ORC3: variants seen among roughly 807,000 people sequenced by gnomAD.
ORC3 encodes homolog of latheo, Drosophila.
In ORC3, 78 loss-of-function variants were observed where a neutral mutation model predicts 100.7. The ratio of observed to expected loss-of-function variants is 0.77; its 90% CI spans 0.65 to 0.94. ORC3 has a LOEUF of 0.94. Ranked by LOEUF, ORC3 falls within the 40% of genes least tolerant of loss-of-function variation. The probability of loss-of-function intolerance (pLI) is 0.00; values close to 1 mark genes in which losing one functional copy is unlikely to be tolerated. For synonymous variants in ORC3, 295 were observed against 289.3 expected (o/e 1.02, Z -0.20); for missense variants, 789 against 823.9 (o/e 0.96, Z 0.52).
At chr6:87,600,289 T>G (rs1777798994) in intron 2 of ORC3, among the ~76,000 whole-genome samples, 1 of 151,990 alleles carries the variant, frequency 6.6e-6, no homozygotes, top group Non-Finnish European at 1.5e-5. Flanking sequence ...ACAAGAAATA[T>G]GAGGGAAAGT....
chr6:87,668,844 GTGT>G, downstream of ORC3, among the ~76,000 whole-genome samples: 2 of 152,104 alleles, frequency 1.3e-5, no homozygotes, highest in South Asian at 4.1e-4. Flanking sequence ...TTAGCTGGGC[GTGT>G]TGGTGGGCGC....
chr6:87,599,361 A>ATTTG (rs1341923155), intron 2 of ORC3, among the ~76,000 whole-genome samples: 4 of 148,678 alleles, frequency 2.7e-5, no homozygotes, highest in Admixed American at 6.7e-5. Flanking sequence ...TTTATTATTT[A>ATTTG]TTTATTTATT....
intron 6 of ORC3, 66 bp from the exon 7 acceptor site, chr6:87,609,030 G>A (rs115279782): frequency 4.6e-6 from 6 of 1,297,168 alleles, no homozygotes; most frequent in African/African-American, 1.5e-5. Context: ...TCAACATGTG[G>A]CATTATAACA....
chr6:87,603,272 C>T, intron 3 of ORC3, 112 bp from the exon 4 acceptor site: 1 of 557,830 alleles, frequency 1.8e-6, no homozygotes, highest in Non-Finnish European at 2.9e-6. Flanking sequence ...TAATTAGGTT[C>T]ATCTTTTGAT....
intron 11 of ORC3, among the ~76,000 whole-genome samples, chr6:87,632,584 C>T (rs978460004): frequency 1.3e-5 from 2 of 152,106 alleles, no homozygotes; most frequent in African/African-American, 2.4e-5. Context: ...TTTTTTAGGC[C>T]AGTCACGGTG....
intron 5 of ORC3, among the ~76,000 whole-genome samples, chr6:87,607,056 T>G (rs1335141143): frequency 6.6e-6 from 1 of 152,240 alleles, no homozygotes; most frequent in African/African-American, 2.4e-5. Context: ...TTTATTTTCC[T>G]ATGTAATTTA....
intron 4 of ORC3, among the ~76,000 whole-genome samples, chr6:87,605,429 T>A (rs555191645): frequency 1.3e-5 from 2 of 152,216 alleles, no homozygotes; most frequent in Non-Finnish European, 1.5e-5. Context: ...GGCGGGTGGA[T>A]CACTTGAGGT....
At chr6:87,628,457 A>G (rs375412917) in intron 11 of ORC3, among the ~76,000 whole-genome samples, 1 of 152,248 alleles carries the variant, frequency 6.6e-6, no homozygotes, top group African/African-American at 2.4e-5. Flanking sequence ...AAATCTTCAT[A>G]CTATGTAGAA....
intron 2 of ORC3, among the ~76,000 whole-genome samples, chr6:87,599,351 T>TTA (rs1562318407): frequency 4.4e-5 from 6 of 136,882 alleles, no homozygotes; most frequent in South Asian, 2.4e-4. Flanking sequence ...GTCTCTTTTT[T>TTA]TTATTATTTA....
chr6:87,669,080 C>A (rs1191638432), downstream of ORC3, among the ~76,000 whole-genome samples: 5 of 152,180 alleles, frequency 3.3e-5, no homozygotes, highest in Admixed American at 3.3e-4. Flanking sequence ...TCGCTTAAAC[C>A]CAGAAGGTGG....
At position 87,635,102 on chromosome 6, in the gene ORC3, T is replaced by C. The variant is rs965405902; in HGVS notation, c.1302+141T>C. The C allele has an allele frequency of 4.1e-6, 3 of 727,682 alleles. No individual in the cohort carries two copies. The African/African-American group carries it at 5.3e-5, about 13-fold the overall frequency. The allele number at this position is 727,682 out of a possible 1,614,324, so 45.1% of individuals were successfully genotyped here. A position where few individuals can be genotyped will look rare whatever the true frequency, so the allele number is the denominator to read the frequency against. ...GAACACAATCTAAATCCATTCCAGCTGTAAACATTACTGGTAATTGATATT... is the reference window on the plus strand; with the variant it reads ...GAACACAATCTAAATCCATTCCAGCCGTAAACATTACTGGTAATTGATATT... On this transcript the variant is annotated intron_variant, in intron 12 of 19. Transcript: ENST00000392844.
intron 19 of ORC3, 76 bp downstream of exon 19, chr6:87,665,909 T>C (rs755813266): frequency 1.2e-6 from 1 of 842,054 alleles, no homozygotes; most frequent in Non-Finnish European, 2.0e-6. Context: ...AGGTCTACAC[T>C]AGATATTTAT....
Position 87,612,071 on chromosome 6 carries a change from T to A in ORC3, c.714-18T>A, listed in dbSNP as rs1216552014. ...TTGCTAAATAAATTTCACTTTTGTG[T>A]CTGTCTTTCAAAACTAGTCAACATC... is the stretch of plus-strand genomic sequence containing the variant. On this transcript the variant is annotated intron_variant, in intron 7 of 19. Transcript: ENST00000392844. The A allele has an allele frequency of 6.2e-7, 1 of 1,603,190 alleles. No homozygotes were observed. The highest frequency in any genetic ancestry group is 1.7e-5 in the Admixed American group (1 of 57,472).
rs116878020 is a variant in ORC3 at position 87,634,302 on chromosome 6, G to A, written c.1186-543G>A. Among the ~76,000 whole-genome samples the A allele has an allele frequency of 8.8e-3, 1,340 of 152,130 alleles. 7 individuals are homozygous for A. The highest frequency in any genetic ancestry group is 0.02 in the Middle Eastern group (6 of 294). On this transcript the variant is annotated intron_variant, in intron 11 of 19. Coordinates refer to ENST00000392844, the MANE Select transcript of ORC3 (RefSeq NM_012381.4). ...ATTGGAGATCTCAGCAAGAGGCAGG[G>A]ACTCATCAGAATCACTTGTGTTTCT... is the stretch of plus-strand genomic sequence containing the variant.
the ORC3 span, chr6:87,675,723 G>GTC: frequency 6.8e-7 from 1 of 1,471,154 alleles, no homozygotes; most frequent in African/African-American, 1.4e-5. Context: ...GACTTGCAAA[G>GTC]TTATGCTGCC....
downstream of ORC3, among the ~76,000 whole-genome samples, chr6:87,668,641 G>T (rs9444531): frequency 6.6e-6 from 1 of 152,014 alleles, no homozygotes; most frequent in Non-Finnish European, 1.5e-5. Flanking sequence ...TGACATTAAT[G>T]GGTAGCTGCT....
chr6:87,600,387 G>T (rs1181862704), intron 2 of ORC3, among the ~76,000 whole-genome samples: 1 of 152,132 alleles, frequency 6.6e-6, no homozygotes, highest in African/African-American at 2.4e-5. Flanking sequence ...TTAAAGATGG[G>T]ATTTTTCCCC....
rs28381494 is a variant in ORC3, at chr6:87,612,328, A to G, written c.873+80A>G. On this transcript the variant is annotated intron_variant, in intron 8 of 19. Coordinates refer to ENST00000392844, the MANE Select transcript of ORC3 (RefSeq NM_012381.4). ...TAGATTGTTAAGATAACTGTTAACAATAAGCCTCTACAACTCTCTGAGTAC... is the reference window on the plus strand; with the variant it reads ...TAGATTGTTAAGATAACTGTTAACAGTAAGCCTCTACAACTCTCTGAGTAC... 341 of 887,298 alleles carry G rather than the reference A, an allele frequency of 3.8e-4. 2 individuals carry two copies. In the East Asian group the frequency reaches 9.0e-3, roughly 23 times the overall value. The allele number at this position is 887,298 out of a possible 1,614,324, so 55.0% of individuals were successfully genotyped here. A position where few individuals can be genotyped will look rare whatever the true frequency, so the allele number is the denominator to read the frequency against.
At position 87,634,918 on chromosome 6, in the gene ORC3, A is replaced by AT; in HGVS notation, c.1260dup (p.Lys421Ter). The AT allele has an allele frequency of 6.2e-7, 1 of 1,604,778 alleles. No individual in the cohort carries two copies. Among genetic ancestry groups the AT allele is most frequent in the African/African-American group, 1.3e-5 (1 of 74,870 alleles). On this transcript the variant is annotated frameshift_variant, in exon 12 of 20. Transcript: ENST00000392844. LOFTEE classifies it high-confidence loss of function. ...TACTTCCTGGTTTTGAGATGTCTTC[A>AT]TAAGTTCACCTCTTCTCTTCCCAAG...
Sources: gnomAD v4.1 joint callset for allele counts (sites outside exome capture counted in the v4.1 genomes callset) on GRCh38, gnomAD v4.1.1 for gene constraint, MANE v1.5 for transcripts, NCBI Gene and HGNC (gene_info 2026-07-23, HGNC 2026-07-21) for gene names.